Variants in NAV2 observed in about 807,000 individuals in gnomAD.
The protein encoded by NAV2 is neuron navigator 2.
Under a neutral mutation model 223.2 loss-of-function variants are expected in NAV2, and 54 were observed. The observed-to-expected ratio is 0.24, with a 90% CI of 0.19 to 0.30. NAV2 has a LOEUF of 0.30. Among genes scored for constraint, NAV2 ranks in the 10% least tolerant of loss-of-function variants. The pLI, the probability that NAV2 is intolerant of heterozygous loss-of-function variation, is 1.00. For missense variants in NAV2, 2,806 were observed against 3,147.5 expected (o/e 0.89, Z 2.60); for synonymous variants, 1,279 against 1,239.3 (o/e 1.03, Z -0.67).
At chr11:19,942,835 T>C (rs529183421) in intron 8 of NAV2, among the ~76,000 whole-genome samples, 19 of 152,120 alleles carry the variant, frequency 1.2e-4, no homozygotes, top group African/African-American at 4.1e-4. Flanking sequence ...GAAAACAAAT[T>C]AGCCAGGCAT....
At chr11:19,582,194 C>T (rs1461204644) in intron 1 of NAV2, among the ~76,000 whole-genome samples, 1 of 152,116 alleles carries the variant, frequency 6.6e-6, no homozygotes, top group East Asian at 1.9e-4. Flanking sequence ...TATCCTTCGC[C>T]CACTTGTTGA....
At chr11:19,485,786 T>C (rs1162381398) in intron 1 of NAV2, among the ~76,000 whole-genome samples, 1 of 151,970 alleles carries the variant, frequency 6.6e-6, no homozygotes, top group Non-Finnish European at 1.5e-5. Flanking sequence ...GACCAGGGGA[T>C]GGATCCGAGT....
chr11:19,498,674 G>A (rs571237853), intron 1 of NAV2, among the ~76,000 whole-genome samples: 13 of 152,144 alleles, frequency 8.5e-5, no homozygotes, highest in African/African-American at 2.9e-4. Context: ...CTATCCATCT[G>A]CCTGCCCATC....
intron 37 of NAV2, among the ~76,000 whole-genome samples, chr11:20,117,580 A>G (rs1385430298): frequency 1.3e-5 from 2 of 152,052 alleles, no homozygotes; most frequent in Admixed American, 6.5e-5. Flanking sequence ...AGGCTTCCAC[A>G]GGAGCTGCAG....
intron 1 of NAV2, among the ~76,000 whole-genome samples, chr11:19,414,831 G>T (rs1286828070): frequency 1.3e-5 from 2 of 152,164 alleles, no homozygotes; most frequent in Admixed American, 6.5e-5. Context: ...TGAACAACCT[G>T]CTCCTGAATG....
intron 7 of NAV2, among the ~76,000 whole-genome samples, chr11:19,934,665 A>G (rs1201246428): frequency 1.3e-5 from 2 of 152,182 alleles, no homozygotes; most frequent in African/African-American, 4.8e-5. Flanking sequence ...ATCCCAACAT[A>G]CTTAAAAAAT....
chr11:19,439,266 C>T lies in NAV2; in HGVS notation c.75+88239C>T, dbSNP rs150060301. On this transcript the variant is annotated intron_variant, in intron 1 of 37. Transcript: ENST00000360655. Reference sequence around the variant, plus strand: ...TTCTTATTGTATCACAATATCATACCAGCTAAGTGGCAGTGATACACACTG... The same window carrying T: ...TTCTTATTGTATCACAATATCATACTAGCTAAGTGGCAGTGATACACACTG... Among the ~76,000 whole-genome samples, 103 of 152,160 alleles carry T rather than the reference C, an allele frequency of 6.8e-4. 1 individual carries two copies. The highest frequency in any genetic ancestry group is 2.4e-3 in the African/African-American group (101 of 41,512).
At chr11:19,932,976 T>G (rs1269170196) in intron 6 of NAV2, among the ~76,000 whole-genome samples, 200 bp from the exon 7 acceptor site, 1 of 152,182 alleles carries the variant, frequency 6.6e-6, no homozygotes, top group African/African-American at 2.4e-5. Flanking sequence ...GTTGGGGGGA[T>G]GTGAACTGTG....
intron 10 of NAV2, among the ~76,000 whole-genome samples, chr11:19,977,855 A>G (rs2153440721): frequency 1.5e-5 from 2 of 130,750 alleles, no homozygotes; most frequent in Admixed American, 9.4e-5. Flanking sequence ...CCCAGGCTGG[A>G]GTGCAATGGC....
At chr11:19,836,426 G>C (rs368133428) in intron 2 of NAV2, among the ~76,000 whole-genome samples, 1 of 151,830 alleles carries the variant, frequency 6.6e-6, no homozygotes, top group African/African-American at 2.4e-5. Flanking sequence ...GCGCGGTGGC[G>C]GGCGCCTGTA....
intron 12 of NAV2, among the ~76,000 whole-genome samples, chr11:20,039,425 C>T (rs991251256): frequency 1.3e-5 from 2 of 152,138 alleles, no homozygotes; most frequent in Admixed American, 1.3e-4. Flanking sequence ...TCTCTTATCT[C>T]TCCCTCCCTT....
At chr11:19,739,051 C>A (rs1010538845) in intron 1 of NAV2, among the ~76,000 whole-genome samples, 3 of 152,164 alleles carry the variant, frequency 2.0e-5, no homozygotes, top group Non-Finnish European at 4.4e-5. Flanking sequence ...CATAGTGGCA[C>A]ACGCCTGTGG....
intron 14 of NAV2, among the ~76,000 whole-genome samples, chr11:20,048,175 G>A (rs1486503827): frequency 1.3e-5 from 2 of 152,154 alleles, no homozygotes; most frequent in Non-Finnish European, 2.9e-5. Flanking sequence ...CATCTTTCCA[G>A]TTGCGTTTTC....
intron 11 of NAV2, among the ~76,000 whole-genome samples, chr11:19,985,116 C>T (rs181037491): frequency 9.9e-5 from 15 of 151,298 alleles, no homozygotes; most frequent in Non-Finnish European, 1.6e-4. Context: ...GGGTACTAAA[C>T]CTTTTATGTC....
chr11:19,351,893 G>A (rs1853346042), intron 1 of NAV2, among the ~76,000 whole-genome samples: 1 of 143,464 alleles, frequency 7.0e-6, no homozygotes, highest in Non-Finnish European at 1.5e-5. Context: ...CTCAAAGATT[G>A]ACTCTTCCCA....
At chr11:19,446,735 T>C (rs960431512) in intron 1 of NAV2, among the ~76,000 whole-genome samples, 8 of 152,160 alleles carry the variant, frequency 5.3e-5, no homozygotes, top group Non-Finnish European at 2.9e-5. Context: ...GCACCTCAAA[T>C]GTGGGAGCCA....
chr11:19,945,036 TTTC>T (rs2046777785), intron 8 of NAV2, among the ~76,000 whole-genome samples: 1 of 150,486 alleles, frequency 6.6e-6, no homozygotes, highest in African/African-American at 2.4e-5. Context: ...CTTCTTTCTT[TTTC>T]TTTTTCCTTT....
intron 1 of NAV2, chr11:19,591,262 A>G (rs1466209519): frequency 2.6e-5 from 4 of 152,240 alleles, no homozygotes; most frequent in Non-Finnish European, 5.9e-5. Flanking sequence ...CGCATGATCA[A>G]CAGTGCCTAT....
intron 1 of NAV2, among the ~76,000 whole-genome samples, chr11:19,563,757 G>T (rs908555355): frequency 6.6e-6 from 1 of 152,112 alleles, no homozygotes; most frequent in Admixed American, 6.5e-5. Flanking sequence ...GTTCAAATCT[G>T]GGCTCTGCCA....
Sources: allele counts gnomAD v4.1 joint callset (sites outside exome capture counted in the v4.1 genomes callset), GRCh38; gene constraint gnomAD v4.1.1; transcripts MANE v1.5; gene names NCBI Gene and HGNC (gene_info 2026-07-23, HGNC 2026-07-21).